AJAP1: variants seen among roughly 807,000 people sequenced by gnomAD.
The protein encoded by AJAP1 is adherens junctions associated protein 1, also known as adherens junction-associated protein 1.
In AJAP1, 5 loss-of-function variants were observed where a neutral mutation model predicts 35.0. The ratio of observed to expected loss-of-function variants is 0.14; its 90% confidence interval spans 0.07 to 0.30. The LOEUF is 0.30. AJAP1 is among the 10% of genes least tolerant of loss of function. The pLI, the probability that AJAP1 is intolerant of heterozygous loss-of-function variation, is 1.00. For missense variants in AJAP1, 586 were observed against 571.0 expected (o/e 1.03, Z -0.27); for synonymous variants, 284 against 249.3 (o/e 1.14, Z -1.31).
chr1:4,760,658 G>A (rs140328679), intron 2 of AJAP1, among the ~76,000 whole-genome samples: 1 of 152,326 alleles, frequency 6.6e-6, no homozygotes, highest in African/African-American at 2.4e-5. Context: ...AGGTCAGAAG[G>A]AGCAGATGGA....
chr1:4,779,791 A>G (rs899780214), intron 5 of AJAP1, among the ~76,000 whole-genome samples: 4 of 152,056 alleles, frequency 2.6e-5, no homozygotes, highest in African/African-American at 9.7e-5. Context: ...TGGTGGCCCG[A>G]GGATTTTTAT....
At position 4,693,283 on chromosome 1, in the gene AJAP1, CAG is replaced by C. The variant is rs1367485080; in HGVS notation, c.30-18616_30-18615del. Among the ~76,000 whole-genome samples the C allele has an allele frequency of 6.6e-6, 1 of 150,554 alleles. No homozygotes were observed. Among genetic ancestry groups the C allele is most frequent in the Non-Finnish European group, 1.5e-5 (1 of 67,480 alleles). ...ACTGAGGGGAGAAGCAGCCCGTGGT[CAG>C]GGGACGTCAGGGGCATGTGCTGATG... On this transcript the variant is annotated intron_variant, in intron 1 of 5. Transcript: ENST00000378191. This position sits in a 1 kb window ranked among gnomAD's most constrained non-coding sequence, Gnocchi z 4.4.
intron 1 of AJAP1, among the ~76,000 whole-genome samples, chr1:4,676,792 G>A (rs1280740891): frequency 6.6e-6 from 1 of 152,158 alleles, no homozygotes; most frequent in Non-Finnish European, 1.5e-5. Flanking sequence ...TGCCAAAAGG[G>A]GTATTGCATT....
chr1:4,712,794 T>A, intron 2 of AJAP1, 95 bp downstream of exon 2: 2 of 1,316,780 alleles, frequency 1.5e-6, no homozygotes, highest in Non-Finnish European at 1.0e-6. Flanking sequence ...GGTGATGCTA[T>A]GTGTGGAGGC....
chr1:4,698,089 T>C (rs1639907321), intron 1 of AJAP1, among the ~76,000 whole-genome samples: 1 of 152,230 alleles, frequency 6.6e-6, no homozygotes, highest in Admixed American at 6.5e-5. Context: ...AAATGGGAAC[T>C]TTCTATAGCT....
chr1:4,783,513 T>TATA lies in AJAP1; in HGVS notation c.*1028_*1029insATA, dbSNP rs1642109461. On this transcript the variant is annotated 3_prime_UTR_variant, in exon 6 of 6. Coordinates refer to ENST00000378191, the MANE Select transcript of AJAP1 (RefSeq NM_018836.4). ...TATATATATATATATATATATATGT[T>TATA]TGTGTGTGTATATATATATATATAT... 9.6e-6 allele frequency: 1 copy of TATA among 103,834 alleles called. No homozygotes were observed. Among genetic ancestry groups the TATA allele is most frequent in the South Asian group, 3.5e-4 (1 of 2,860 alleles). 6.4% of individuals were successfully genotyped at this position (103,834 alleles called of 1,614,324 possible). A position where few individuals can be genotyped will look rare whatever the true frequency, so the allele number is the denominator to read the frequency against.
At position 4,692,758 on chromosome 1, in the gene AJAP1, A is replaced by C. The variant is rs1331619710; in HGVS notation, c.30-19142A>C. ...CCTGGCACTCTGCTGTCCTCCCTCC[A>C]GGTCTTGTCAGCTGAAATGCCTGTT... On this transcript the variant is annotated intron_variant, in intron 1 of 5. Transcript: ENST00000378191. This position sits in a 1 kb window ranked among gnomAD's most constrained non-coding sequence, Gnocchi z 4.4. Among the ~76,000 whole-genome samples, 1 of 152,116 alleles carries C rather than the reference A, an allele frequency of 6.6e-6. No individual in the cohort carries two copies. The highest frequency in any genetic ancestry group is 2.4e-5 in the African/African-American group (1 of 41,418).
At chr1:4,710,211 GACAC>G (rs925748518) in intron 1 of AJAP1, among the ~76,000 whole-genome samples, 31 of 151,448 alleles carry the variant, frequency 2.0e-4, no homozygotes, top group African/African-American at 7.3e-4. Flanking sequence ...CATACACACT[GACAC>G]ACACGAGCAT....
At chr1:4,715,519 A>G (rs967172324) in intron 2 of AJAP1, among the ~76,000 whole-genome samples, 1 of 152,186 alleles carries the variant, frequency 6.6e-6, no homozygotes, top group Non-Finnish European at 1.5e-5. Context: ...CCCTGTCTCT[A>G]CTAAAAATAC....
In AJAP1 at chr1:4,768,549, C is replaced by A. The variant is rs1641745306; in HGVS notation, c.830-1304C>A. On this transcript the variant is annotated intron_variant, in intron 2 of 5. Coordinates refer to ENST00000378191, the MANE Select transcript of AJAP1 (RefSeq NM_018836.4). ...GAAAAATCTTGACACTGAAACCCGC[C>A]ATGCTGAAACACGCACATGCAGTGT... Among the ~76,000 whole-genome samples the A allele has an allele frequency of 2.0e-5, 3 of 152,238 alleles. No individual in the cohort carries two copies. In the South Asian group the frequency reaches 6.2e-4, roughly 32 times the overall value.
chr1:4,753,005 CT>C (rs1304609302), intron 2 of AJAP1, among the ~76,000 whole-genome samples: 1 of 152,198 alleles, frequency 6.6e-6, no homozygotes, highest in African/African-American at 2.4e-5. Context: ...AGTGGGTCCC[CT>C]TGTATGACCT....
chr1:4,747,031 G>T (rs971877064), intron 2 of AJAP1, among the ~76,000 whole-genome samples: 7 of 152,194 alleles, frequency 4.6e-5, no homozygotes, highest in African/African-American at 1.7e-4. Flanking sequence ...TTCACGTGAG[G>T]TCACCTGTGG....
chr1:4,737,526 T>A (rs984462901), intron 2 of AJAP1, among the ~76,000 whole-genome samples: 2 of 151,648 alleles, frequency 1.3e-5, no homozygotes, highest in Non-Finnish European at 2.9e-5. Flanking sequence ...GAGCTCATCC[T>A]TTCCTTAGGC....
chr1:4,725,687 C>T (rs1324650450), intron 2 of AJAP1, among the ~76,000 whole-genome samples: 1 of 152,014 alleles, frequency 6.6e-6, no homozygotes, highest in Non-Finnish European at 1.5e-5. Flanking sequence ...CACAAACAAT[C>T]AAAATATGTT....
intron 4 of AJAP1, 66 bp from the exon 5 acceptor site, chr1:4,774,361 G>A (rs775344940): frequency 2.8e-5 from 41 of 1,483,370 alleles, no homozygotes; most frequent in South Asian, 1.5e-4. Context: ...GGCCTGCCCC[G>A]GCTTGCCTAT....
At position 4,772,506 on chromosome 1, in the gene AJAP1, T is replaced by A; in HGVS notation, c.1144T>A (p.Ser382Thr). 6.2e-7 allele frequency: 1 copy of A among 1,614,064 alleles called. No homozygotes were observed. The highest frequency in any genetic ancestry group is 8.5e-7 in the Non-Finnish European group (1 of 1,179,980). ...TLHSTTGEYK[S>T]TFNGNRPSSS... ...GCACTCGACGACGGGGGAGTACAAA[T>A]CCACATTTAATGGAAACCGGTAAGC... The change falls in exon 4 of 6, where the codon TCC (serine) becomes ACC (threonine). Residue 382 changes from serine (S) to threonine (T), a missense_variant. Coordinates refer to ENST00000378191, the MANE Select transcript of AJAP1 (RefSeq NM_018836.4).
At chr1:4,781,148 G>A (rs901402938) in intron 5 of AJAP1, among the ~76,000 whole-genome samples, 1 of 152,144 alleles carries the variant, frequency 6.6e-6, no homozygotes, top group Non-Finnish European at 1.5e-5. Flanking sequence ...GCTGTTCTGG[G>A]GCCTGCCAGC....
chr1:4,737,899 T>A (rs1441505725), intron 2 of AJAP1, among the ~76,000 whole-genome samples: 1 of 152,038 alleles, frequency 6.6e-6, no homozygotes, highest in African/African-American at 2.4e-5. Context: ...GAGACCCTCT[T>A]TCAAAAAAAC....
At chr1:4,664,788 G>C (rs72637564) in intron 1 of AJAP1, among the ~76,000 whole-genome samples, 1 of 152,294 alleles carries the variant, frequency 6.6e-6, no homozygotes, top group Non-Finnish European at 1.5e-5. Flanking sequence ...ACAGAAGTCA[G>C]TATCCTGCTG....
Sources: gnomAD v4.1 joint callset for allele counts (sites outside exome capture counted in the v4.1 genomes callset) on GRCh38, gnomAD v4.1.1 for gene constraint, Gnocchi (gnomAD v3.1) non-coding constraint, MANE v1.5 for transcripts, NCBI Gene and HGNC (gene_info 2026-07-23, HGNC 2026-07-21) for gene names.